Variants in STK3 observed in about 807,000 individuals in gnomAD.
The protein encoded by STK3 is serine/threonine kinase 3.
In STK3, 41 loss-of-function variants were observed where a neutral mutation model predicts 58.0. The observed-to-expected ratio is 0.71, with a 90% CI of 0.55 to 0.92. STK3 has a LOEUF of 0.92. Among genes scored for constraint, STK3 ranks in the 40% least tolerant of loss-of-function variants. The pLI is 0.00. For synonymous variants in STK3, 170 were observed against 191.0 expected (o/e 0.89, Z 0.91); for missense variants, 479 against 602.7 (o/e 0.79, Z 2.15).
chr8:98,679,890 A>T (rs1305109574), intron 6 of STK3, among the ~76,000 whole-genome samples: 1 of 152,234 alleles, frequency 6.6e-6, no homozygotes, highest in East Asian at 1.9e-4. Flanking sequence ...TCTCAAGCCT[A>T]AAAGGGAGCA....
intron 9 of STK3, among the ~76,000 whole-genome samples, chr8:98,542,791 TAC>T (rs1196198409): frequency 6.6e-6 from 1 of 152,174 alleles, no homozygotes; most frequent in African/African-American, 2.4e-5. Context: ...ATTTACCTAA[TAC>T]ACACACCTGC....
chr8:98,740,808 T>G (rs1168309604), intron 4 of STK3, among the ~76,000 whole-genome samples: 1 of 152,094 alleles, frequency 6.6e-6, no homozygotes, highest in South Asian at 2.1e-4. Context: ...GCAAATTGGA[T>G]AAAGAGTCAA....
intron 1 of STK3, among the ~76,000 whole-genome samples, chr8:98,928,066 G>A (rs1839868717): frequency 6.6e-6 from 1 of 152,170 alleles, no homozygotes; most frequent in African/African-American, 2.4e-5. Flanking sequence ...GTATGCAGTG[G>A]GGAGCCTAGA....
chr8:98,883,735 C>T, downstream of STK3: 1 of 702,904 alleles, frequency 1.4e-6, no homozygotes. Flanking sequence ...ATGGTAATGC[C>T]ACTGTCCATG....
At chr8:98,855,075 A>ACAACAC (rs1554690860) in intron 3 of STK3, among the ~76,000 whole-genome samples, 1 of 152,136 alleles carries the variant, frequency 6.6e-6, no homozygotes, top group African/African-American at 2.4e-5. Context: ...AACAACAACA[A>ACAACAC]CAACAACAAA....
the STK3 span, among the ~76,000 whole-genome samples, chr8:98,365,851 A>G: frequency 6.6e-6 from 1 of 152,196 alleles, no homozygotes; most frequent in African/African-American, 2.4e-5. Flanking sequence ...CTATATTGAT[A>G]TATGTAGATT....
chr8:98,700,332 C>T (rs1825455577), intron 6 of STK3, among the ~76,000 whole-genome samples: 1 of 152,220 alleles, frequency 6.6e-6, no homozygotes, highest in Non-Finnish European at 1.5e-5. Flanking sequence ...TGAGGCAATG[C>T]CTCGCCCTGC....
At chr8:98,535,165 T>C (rs1809650803) in intron 9 of STK3, among the ~76,000 whole-genome samples, 1 of 152,186 alleles carries the variant, frequency 6.6e-6, no homozygotes, top group African/African-American at 2.4e-5. Context: ...ATGGTTTCTT[T>C]AGAAACTAAC....
chr8:98,352,677 C>T, the STK3 span, among the ~76,000 whole-genome samples: 1 of 152,146 alleles, frequency 6.6e-6, no homozygotes, highest in Non-Finnish European at 1.5e-5. Context: ...CTCGAAGAAA[C>T]ATTTTAAAAA....
chr8:98,627,170 G>C (rs1818783256), intron 6 of STK3, among the ~76,000 whole-genome samples: 1 of 152,046 alleles, frequency 6.6e-6, no homozygotes, highest in Non-Finnish European at 1.5e-5. Context: ...CTTGAACTCA[G>C]GGGTTCAAGA....
At chr8:98,430,788 G>C (rs1371783334) in intron 3 of STK3, 1 of 167,094 alleles carries the variant, frequency 6.0e-6, no homozygotes, top group Non-Finnish European at 1.5e-5. Context: ...AAAACTGCTA[G>C]TTCATAAAAT....
intron 6 of STK3, chr8:98,598,190 T>C (rs1019249363): frequency 3.0e-6 from 3 of 985,296 alleles, no homozygotes; most frequent in African/African-American, 1.7e-5. Context: ...CAATGATTTA[T>C]GTCCTTGAAG....
chr8:98,450,722 T>G (rs1819159983), downstream of STK3, among the ~76,000 whole-genome samples: 1 of 152,218 alleles, frequency 6.6e-6, no homozygotes, highest in South Asian at 2.1e-4. Flanking sequence ...CTTGGAAGCT[T>G]GAATGCATGC....
chr8:98,784,438 T>C (rs1832325095), intron 1 of STK3, among the ~76,000 whole-genome samples: 2 of 152,338 alleles, frequency 1.3e-5, no homozygotes, highest in East Asian at 1.9e-4. Flanking sequence ...AACCTGGAAC[T>C]GGTCTGCATG....
the STK3 span, among the ~76,000 whole-genome samples, chr8:98,360,998 A>G: frequency 2.2e-3 from 341 of 152,356 alleles, 5 homozygotes; most frequent in African/African-American, 7.6e-3. Context: ...CCCAAGCTCC[A>G]CAGGACACAA....
chr8:98,666,679 T>C (rs1389799414), intron 6 of STK3, among the ~76,000 whole-genome samples: 1 of 152,188 alleles, frequency 6.6e-6, no homozygotes, highest in Non-Finnish European at 1.5e-5. Flanking sequence ...CACATTGATC[T>C]AACATGTCTG....
chr8:98,676,467 G>C (rs1823219396), intron 6 of STK3, among the ~76,000 whole-genome samples: 1 of 152,090 alleles, frequency 6.6e-6, no homozygotes. Flanking sequence ...ACAAAAATTA[G>C]CCAGGAGTGG....
At chr8:98,645,797 T>C (rs899493279) in intron 6 of STK3, among the ~76,000 whole-genome samples, 1 of 146,630 alleles carries the variant, frequency 6.8e-6, no homozygotes, top group Non-Finnish European at 1.6e-5. Context: ...TATATATATA[T>C]ACATATATAG....
At chr8:98,433,628 T>TTCACC (rs1483662982) in intron 3 of STK3, among the ~76,000 whole-genome samples, 1 of 152,164 alleles carries the variant, frequency 6.6e-6, no homozygotes, top group African/African-American at 2.4e-5. Context: ...TACCCACTTC[T>TTCACC]TCACCTCAAT....
Sources: allele counts gnomAD v4.1 joint callset (sites outside exome capture counted in the v4.1 genomes callset), GRCh38; gene constraint gnomAD v4.1.1; transcripts MANE v1.5; gene names NCBI Gene and HGNC (gene_info 2026-07-23, HGNC 2026-07-21).